The following RPL15 variants were observed in gnomAD, a reference collection of about 807,000 sequenced individuals.
RPL15 encodes the protein ribosomal protein L15, also known as large ribosomal subunit protein eL15.
For missense variants in RPL15, 161 were observed against 271.8 expected, an observed-to-expected ratio of 0.59 and a Z score of 2.87; for synonymous variants, 97 against 95.1, an observed-to-expected ratio of 1.02 and a Z score of -0.12.
chr3:23,918,218 A>T (rs1704786838), intron 2 of RPL15, 187 bp downstream of exon 2: 2 of 933,874 alleles, frequency 2.1e-6, no homozygotes, highest in Non-Finnish European at 1.6e-6. Flanking sequence ...CAAAGGTTAC[A>T]AATCTGAATG....
chr3:23,919,101 C>G, intron 3 of RPL15, 95 bp from the exon 4 acceptor site: 1 of 806,120 alleles, frequency 1.2e-6, no homozygotes, highest in Non-Finnish European at 2.1e-6. Context: ...AGACTCTTGT[C>G]TGGTGGTGAA....
At chr3:23,918,689 G>A (rs983523766) in intron 3 of RPL15, 113 bp downstream of exon 3, 14 of 1,302,866 alleles carry the variant, frequency 1.1e-5, no homozygotes. Context: ...TATAAAACAG[G>A]GTTTGTGATT....
intron 3 of RPL15, chr3:23,918,865 A>G (rs983129797): frequency 2.0e-6 from 1 of 505,000 alleles, no homozygotes; most frequent in African/African-American, 1.9e-5. Context: ...AAATATTTTT[A>G]AAGCTAAACG....
chr3:23,922,390 T>G (rs1705119367), downstream of RPL15: 1 of 152,184 alleles, frequency 6.6e-6, no homozygotes. This position sits in a 1 kb window ranked among gnomAD's most constrained non-coding sequence, Gnocchi z 4.2. Flanking sequence ...CACTTAAAGT[T>G]TATTTGTTTT....
chr3:23,917,554 C>T (rs1041995595), intron 1 of RPL15: 5 of 296,354 alleles, frequency 1.7e-5, no homozygotes, highest in African/African-American at 6.6e-5. Context: ...TTCAGGTCCT[C>T]CTTGGGGACG....
downstream of RPL15, chr3:23,923,863 T>C (rs543479677): frequency 3.9e-5 from 6 of 152,288 alleles, no homozygotes; most frequent in African/African-American, 1.4e-4. Context: ...TGCCAGTCTG[T>C]TAGGGGGAAA....
downstream of RPL15, chr3:23,921,580 T>G (rs765252657): frequency 6.2e-5 from 42 of 674,142 alleles, no homozygotes; most frequent in East Asian, 2.7e-4. Flanking sequence ...GTTTTTTTTT[T>G]TTTTTTTTTT....
In RPL15 at chr3:23,919,871, G is replaced by GT; in HGVS notation, c.*373dup. On this transcript the variant is annotated 3_prime_UTR_variant, in exon 4 of 4. Coordinates refer to ENST00000307839, the MANE Select transcript of RPL15 (RefSeq NM_002948.5). ...TCGGAGTGATGGCAATGCTCTGCTG[G>GT]TTTATTTTCAAGTGGCTGCGTTTTT... 1 of 1,001,450 alleles carries GT rather than the reference G, an allele frequency of 1.0e-6. No individual in the cohort carries two copies. The highest frequency in any genetic ancestry group is 1.0e-4 in the East Asian group (1 of 9,738). The allele number at this position is 1,001,450 out of a possible 1,614,324, so 62.0% of individuals were successfully genotyped here. A position where few individuals can be genotyped will look rare whatever the true frequency, so the allele number is the denominator to read the frequency against.
At position 23,920,890 on chromosome 3, in the gene RPL15, C is replaced by A; in HGVS notation, c.*1389C>A. ...TTTGTCATCTTACAGTGCTAATGTACTTTAAAGCAAACCAAATGCCCTAAC... is the reference window on the plus strand; with the variant it reads ...TTTGTCATCTTACAGTGCTAATGTAATTTAAAGCAAACCAAATGCCCTAAC... On this transcript the variant is annotated 3_prime_UTR_variant, in exon 4 of 4. Coordinates refer to ENST00000307839, the MANE Select transcript of RPL15 (RefSeq NM_002948.5). The A allele has an allele frequency of 3.6e-6, 2 of 560,320 alleles. No homozygotes were observed. Among genetic ancestry groups the A allele is most frequent in the Non-Finnish European group, 4.5e-6 (2 of 441,642 alleles). 34.7% of individuals were successfully genotyped at this position (560,320 alleles called of 1,614,324 possible). A position where few individuals can be genotyped will look rare whatever the true frequency, so the allele number is the denominator to read the frequency against.
chr3:23,918,626 G>A, intron 3 of RPL15, 50 bp downstream of exon 3: 1 of 1,582,004 alleles, frequency 6.3e-7, no homozygotes, highest in Admixed American at 1.8e-5. Flanking sequence ...GGGGATGGTG[G>A]GAGAGAGAGA....
upstream of RPL15, chr3:23,916,938 G>C (rs1251018014): frequency 6.6e-6 from 1 of 152,660 alleles, no homozygotes; most frequent in East Asian, 1.9e-4. Flanking sequence ...CTCACCTCTC[G>C]AGACGCCCAG....
intron 3 of RPL15, 156 bp from the exon 4 acceptor site, chr3:23,919,040 C>A: frequency 1.6e-6 from 1 of 621,836 alleles, no homozygotes; most frequent in African/African-American, 1.8e-5. Context: ...TATCTCATTA[C>A]ACTTGTGATA....
Position 23,918,508 on chromosome 3 carries a change from T to C in RPL15, c.241T>C (p.Tyr81His). The change falls in exon 3 of 4, where the codon TAC (tyrosine) becomes CAC (histidine). Residue 81 changes from tyrosine (Y) to histidine (H), a missense_variant. Physicochemically the swap from Tyr to His is moderately conservative, Grantham distance 83 (BLOSUM62 2). Transcript: ENST00000307839. ...RKRPVPKGAT[Y>H]GKPVHHGVNQ... ...ACGCCCAGTTCCTAAGGGTGCAACT[T>C]ACGGCAAGCCTGTCCATCATGGTGT... is the stretch of plus-strand genomic sequence containing the variant. 6.2e-7 allele frequency: 1 copy of C among 1,613,922 alleles called. No homozygotes were observed. Among genetic ancestry groups the C allele is most frequent in the South Asian group, 1.1e-5 (1 of 91,068 alleles).
chr3:23,918,094 T>C, intron 2 of RPL15, 63 bp downstream of exon 2: 1 of 1,555,910 alleles, frequency 6.4e-7, no homozygotes, highest in Non-Finnish European at 8.7e-7. Context: ...GGAAACCAGC[T>C]GTTAGGAAGA....
rs1704832786 is a variant in RPL15, at chr3:23,918,461, G to A, written c.194G>A (p.Arg65His). 1.9e-6 allele frequency: 3 copies of A among 1,612,796 alleles called. No individual in the cohort carries two copies. Among genetic ancestry groups the A allele is most frequent in the Non-Finnish European group, 2.5e-6 (3 of 1,179,808 alleles). Residue 65 changes from arginine (R) to histidine (H), a missense_variant, in exon 3 of 4, where the codon CGT (arginine) becomes CAT (histidine). Coordinates refer to ENST00000307839, the MANE Select transcript of RPL15 (RefSeq NM_002948.5). ...GTAGGTTACGTTATATATAGGATTC[G>A]TGTTCGCCGTGGTGGCCGAAAACGC... ...AKQGYVIYRI[R>H]VRRGGRKRPV...
At chr3:23,918,723 A>G (rs941818348) in intron 3 of RPL15, 147 bp downstream of exon 3, 11 of 938,190 alleles carry the variant, frequency 1.2e-5, no homozygotes, top group Non-Finnish European at 1.7e-5. Flanking sequence ...GTGAAGAGTA[A>G]TTGCTTGAAA....
At chr3:23,921,570 G>GTTTTTTTTTTT, downstream of RPL15, 5 of 508,294 alleles carry the variant, frequency 9.8e-6, no homozygotes, top group East Asian at 3.5e-5. Context: ...TGATTATTGA[G>GTTTTTTTTTTT]TTTTTTTTTT....
At position 23,920,126 on chromosome 3, in the gene RPL15, A is replaced by G. The variant is rs1704991604; in HGVS notation, c.*625A>G. 4 of 985,928 alleles carry G rather than the reference A, an allele frequency of 4.1e-6. No homozygotes were observed. The highest frequency in any genetic ancestry group is 4.8e-6 in the Non-Finnish European group (4 of 829,964). 61.1% of individuals were successfully genotyped at this position (985,928 alleles called of 1,614,324 possible). On this transcript the variant is annotated 3_prime_UTR_variant, in exon 4 of 4. Coordinates refer to ENST00000307839, the MANE Select transcript of RPL15 (RefSeq NM_002948.5). ...TTATTAGCCTTAAGATTGGTAAGCT[A>G]GCAATGAATGCTAGGGTGGGAAGCT... is the stretch of plus-strand genomic sequence containing the variant.
downstream of RPL15, chr3:23,924,182 A>G (rs1705168703): frequency 6.6e-6 from 1 of 152,244 alleles, no homozygotes; most frequent in South Asian, 2.1e-4. Flanking sequence ...AAACGACTGC[A>G]TTAGTTGTGT....
Sources: allele counts gnomAD v4.1 joint callset, GRCh38; gene constraint gnomAD v4.1.1; non-coding constraint Gnocchi (gnomAD v3.1); transcripts MANE v1.5; gene names NCBI Gene and HGNC (gene_info 2026-07-23, HGNC 2026-07-21).